The following L3MBTL4 variants were observed in gnomAD, a reference collection of about 807,000 sequenced individuals.
L3MBTL4 encodes the protein lethal(3)malignant brain tumor-like protein 4.
A neutral mutation model predicts 84.5 loss-of-function variants in L3MBTL4; 70 were observed. That is an observed-to-expected ratio of 0.83 (90% confidence interval 0.68 to 1.01). The LOEUF is 1.01. Among genes scored for constraint, L3MBTL4 ranks in the 50% least tolerant of loss-of-function variants. The pLI is 0.00. For missense variants in L3MBTL4, 715 were observed against 754.8 expected (o/e 0.95, Z 0.62); for synonymous variants, 274 against 259.8 (o/e 1.05, Z -0.52).
At chr18:6,176,882 C>T (rs1391972996) in intron 12 of L3MBTL4, among the ~76,000 whole-genome samples, 1 of 152,062 alleles carries the variant, frequency 6.6e-6, no homozygotes, top group East Asian at 1.9e-4. Flanking sequence ...GATCAATAAA[C>T]AAACTTTTAA....
At chr18:6,086,913 A>C (rs1174991349) in intron 15 of L3MBTL4, among the ~76,000 whole-genome samples, 1 of 152,156 alleles carries the variant, frequency 6.6e-6, no homozygotes, top group Non-Finnish European at 1.5e-5. Flanking sequence ...AGCTCCACAC[A>C]TACTTGTGGA....
chr18:6,186,541 T>G (rs2044775186), intron 12 of L3MBTL4, among the ~76,000 whole-genome samples: 1 of 152,030 alleles, frequency 6.6e-6, no homozygotes, highest in Admixed American at 6.6e-5. Context: ...GCCTCAGCTC[T>G]CTCAGATGCA....
intron 16 of L3MBTL4, among the ~76,000 whole-genome samples, chr18:6,037,890 T>C (rs1568016938): frequency 6.6e-6 from 1 of 152,200 alleles, no homozygotes; most frequent in Non-Finnish European, 1.5e-5. Context: ...AAGTGCTGGT[T>C]GCTCTGAACA....
intron 5 of L3MBTL4, among the ~76,000 whole-genome samples, chr18:6,251,120 A>G (rs533774081): frequency 6.6e-6 from 1 of 152,364 alleles, no homozygotes; most frequent in African/African-American, 2.4e-5. Flanking sequence ...AACATGAAGA[A>G]GTATTTTCCA....
chr18:5,970,074 G>A (rs1234791733), intron 16 of L3MBTL4, among the ~76,000 whole-genome samples: 1 of 152,220 alleles, frequency 6.6e-6, no homozygotes, highest in African/African-American at 2.4e-5. Flanking sequence ...TACTGAACAT[G>A]ACATGTAGCA....
chr18:6,354,169 A>G (rs1479193708), intron 1 of L3MBTL4, among the ~76,000 whole-genome samples: 1 of 152,184 alleles, frequency 6.6e-6, no homozygotes, highest in Non-Finnish European at 1.5e-5. Context: ...GGTCCCAAGA[A>G]CACACACTGG....
intron 1 of L3MBTL4, among the ~76,000 whole-genome samples, chr18:6,405,889 A>C (rs190903511): frequency 3.3e-5 from 5 of 152,356 alleles, no homozygotes; most frequent in African/African-American, 4.8e-5. Context: ...TTCCTGGAAC[A>C]GGTCCAGTCT....
intron 4 of L3MBTL4, among the ~76,000 whole-genome samples, chr18:6,271,750 G>A (rs1226743554): frequency 6.6e-6 from 1 of 152,210 alleles, no homozygotes; most frequent in Non-Finnish European, 1.5e-5. Context: ...GGAGGCGCAC[G>A]AGGGAGGCAG....
intron 16 of L3MBTL4, chr18:6,031,413 C>CTTCTGAACA (rs1297868235): frequency 1.0e-6 from 1 of 985,336 alleles, no homozygotes; most frequent in African/African-American, 1.7e-5. Flanking sequence ...GGCCGTCTAA[C>CTTCTGAACA]TTCTGAACAT....
At chr18:6,396,277 C>T (rs569773907) in intron 1 of L3MBTL4, 89 of 152,348 alleles carry the variant, frequency 5.8e-4, no homozygotes, top group Admixed American at 7.2e-4. Flanking sequence ...CTCCTAGGAA[C>T]CCCCGTCATG....
rs756685986 is a variant in L3MBTL4, at chr18:6,121,975, C to T, written c.1199+16219G>A. Reference sequence around the variant, plus strand: ...ACCACTCCAGTTCTGCATATACATCCGGGAATAGGAGAAAGAGTATCAGAT... The same window carrying T: ...ACCACTCCAGTTCTGCATATACATCTGGGAATAGGAGAAAGAGTATCAGAT... On this transcript the variant is annotated intron_variant, in intron 14 of 18. Coordinates refer to ENST00000317931, the MANE Select transcript of L3MBTL4 (RefSeq NM_001330559.2). Among the ~76,000 whole-genome samples, 30 of 152,042 alleles carry T rather than the reference C, an allele frequency of 2.0e-4. No individual in the cohort carries two copies. The East Asian group carries it at 2.9e-3, about 15-fold the overall frequency.
chr18:6,284,124 T>C (rs531573537), intron 4 of L3MBTL4, among the ~76,000 whole-genome samples: 1 of 152,332 alleles, frequency 6.6e-6, no homozygotes, highest in Non-Finnish European at 1.5e-5. Context: ...TGTTGTTTGG[T>C]ATCATTCAAT....
intron 16 of L3MBTL4, among the ~76,000 whole-genome samples, chr18:6,020,010 T>C (rs1053269623): frequency 1.3e-5 from 2 of 152,160 alleles, no homozygotes; most frequent in African/African-American, 4.8e-5. Flanking sequence ...TGCCAGACCC[T>C]AAGTTGGGCA....
At chr18:6,112,017 GCTT>G (rs2059212148) in intron 14 of L3MBTL4, among the ~76,000 whole-genome samples, 1 of 152,066 alleles carries the variant, frequency 6.6e-6, no homozygotes, top group Admixed American at 6.6e-5. Context: ...TCTACCCTCT[GCTT>G]CTATGAGTTC....
At chr18:6,067,585 T>C (rs1379863285) in intron 16 of L3MBTL4, among the ~76,000 whole-genome samples, 1 of 152,220 alleles carries the variant, frequency 6.6e-6, no homozygotes, top group Non-Finnish European at 1.5e-5. Flanking sequence ...GAAGAAACTT[T>C]TCCACTGTAT....
chr18:6,112,270 T>C (rs1190995895), intron 14 of L3MBTL4, among the ~76,000 whole-genome samples: 1 of 152,228 alleles, frequency 6.6e-6, no homozygotes, highest in African/African-American at 2.4e-5. Context: ...TTTAAACCTA[T>C]TTTTAAAAGG....
At chr18:6,175,526 C>A (rs1375580455) in intron 12 of L3MBTL4, among the ~76,000 whole-genome samples, 1 of 152,110 alleles carries the variant, frequency 6.6e-6, no homozygotes, top group Admixed American at 6.5e-5. Context: ...GGGAAATATG[C>A]AAGGCTAGTT....
intron 12 of L3MBTL4, among the ~76,000 whole-genome samples, chr18:6,177,266 T>C (rs929856141): frequency 3.3e-5 from 5 of 152,144 alleles, no homozygotes; most frequent in African/African-American, 9.7e-5. Flanking sequence ...GCAATGTCCA[T>C]AAAACGAATG....
At chr18:6,021,545 C>T (rs1567993050) in intron 16 of L3MBTL4, among the ~76,000 whole-genome samples, 1 of 152,220 alleles carries the variant, frequency 6.6e-6, no homozygotes, top group Non-Finnish European at 1.5e-5. Flanking sequence ...TAACCTGCAA[C>T]AGGAACTGCT....
Sources: gnomAD v4.1 joint callset for allele counts (sites outside exome capture counted in the v4.1 genomes callset) on GRCh38, gnomAD v4.1.1 for gene constraint, MANE v1.5 for transcripts, NCBI Gene and HGNC (gene_info 2026-07-23, HGNC 2026-07-21) for gene names.